Variants in POU2AF2 observed in about 807,000 individuals in gnomAD.
The protein encoded by POU2AF2 is POU domain class 2-associating factor 2.
the POU2AF2 span, among the ~76,000 whole-genome samples, chr11:111,251,517 G>A: frequency 6.6e-6 from 1 of 152,144 alleles, no homozygotes; most frequent in Non-Finnish European, 1.5e-5. Flanking sequence ...CATCTATATG[G>A]CATTTAAATC....
the POU2AF2 span, among the ~76,000 whole-genome samples, chr11:111,264,690 GAC>G: frequency 2.8e-5 from 4 of 140,940 alleles, no homozygotes; most frequent in Non-Finnish European, 6.3e-5. Context: ...GAGAGAGAAA[GAC>G]AGAGAAAGAA....
chr11:111,262,815 T>C, the POU2AF2 span, among the ~76,000 whole-genome samples: 1 of 152,350 alleles, frequency 6.6e-6, no homozygotes, highest in Admixed American at 6.5e-5. Context: ...TGTGTATAAC[T>C]GATGTTTGCA....
the POU2AF2 span, among the ~76,000 whole-genome samples, chr11:111,248,953 A>G: frequency 6.6e-6 from 1 of 152,250 alleles, no homozygotes; most frequent in South Asian, 2.1e-4. Flanking sequence ...CATTAAGTCT[A>G]CTATAGACTA....
chr11:111,256,565 C>A, the POU2AF2 span, among the ~76,000 whole-genome samples: 129 of 152,344 alleles, frequency 8.5e-4, no homozygotes, highest in African/African-American at 2.9e-3. Flanking sequence ...TGCCGGGAAC[C>A]AGTCATGTGG....
At chr11:111,285,953 G>C in the POU2AF2 span, 1 of 1,614,084 alleles carries the variant, frequency 6.2e-7, no homozygotes, top group South Asian at 1.1e-5. Context: ...ACTCTCCCCA[G>C]ATGAGGAAGC....
chr11:111,251,472 G>A, the POU2AF2 span, among the ~76,000 whole-genome samples: 6 of 152,184 alleles, frequency 3.9e-5, no homozygotes, highest in East Asian at 1.9e-4. Flanking sequence ...TGAAGTCCAC[G>A]TCTGGGCTGG....
At chr11:111,248,947 A>T in the POU2AF2 span, among the ~76,000 whole-genome samples, 1 of 152,254 alleles carries the variant, frequency 6.6e-6, no homozygotes, top group Non-Finnish European at 1.5e-5. Flanking sequence ...CATCACCATT[A>T]AGTCTACTAT....
the POU2AF2 span, among the ~76,000 whole-genome samples, chr11:111,282,057 T>C: frequency 6.6e-6 from 1 of 152,104 alleles, no homozygotes; most frequent in Non-Finnish European, 1.5e-5. Flanking sequence ...TGTTTCCCAA[T>C]CATATATAGT....
the POU2AF2 span, among the ~76,000 whole-genome samples, chr11:111,249,207 G>T: frequency 6.6e-6 from 1 of 152,134 alleles, no homozygotes; most frequent in Non-Finnish European, 1.5e-5. Flanking sequence ...AGCTCTCCTG[G>T]TGTATGCAGG....
chr11:111,265,760 T>C, the POU2AF2 span, among the ~76,000 whole-genome samples: 1 of 152,138 alleles, frequency 6.6e-6, no homozygotes, highest in East Asian at 1.9e-4. Flanking sequence ...CCTTGAAAGT[T>C]AGATCCTCCT....
At chr11:111,285,483 A>T in the POU2AF2 span, among the ~76,000 whole-genome samples, 1 of 152,186 alleles carries the variant, frequency 6.6e-6, no homozygotes, top group African/African-American at 2.4e-5. Context: ...AGGGAGGAAA[A>T]CTTTCACTGC....
the POU2AF2 span, among the ~76,000 whole-genome samples, chr11:111,279,439 A>G: frequency 6.6e-6 from 1 of 152,222 alleles, no homozygotes; most frequent in Non-Finnish European, 1.5e-5. Flanking sequence ...AGGTGTCAGC[A>G]GGGCCATGCT....
chr11:111,264,460 C>A, the POU2AF2 span, among the ~76,000 whole-genome samples: 1 of 146,752 alleles, frequency 6.8e-6, no homozygotes, highest in Admixed American at 7.0e-5. Context: ...TGCACCACTG[C>A]ACTGCAGACT....
chr11:111,271,829 A>G, the POU2AF2 span, among the ~76,000 whole-genome samples: 7 of 152,106 alleles, frequency 4.6e-5, no homozygotes, highest in Middle Eastern at 0.01. Flanking sequence ...CCTGCCCAAC[A>G]TGGTGAAACC....
the POU2AF2 span, among the ~76,000 whole-genome samples, chr11:111,252,399 C>G: frequency 6.6e-6 from 1 of 152,126 alleles, no homozygotes; most frequent in African/African-American, 2.4e-5. Context: ...GCATTTCTAG[C>G]AAGTTCCTAG....
At chr11:111,268,250 A>T in the POU2AF2 span, among the ~76,000 whole-genome samples, 1 of 152,176 alleles carries the variant, frequency 6.6e-6, no homozygotes, top group Non-Finnish European at 1.5e-5. Flanking sequence ...CGAGCTCTGC[A>T]GGTATGAGTG....
chr11:111,279,460 C>T, the POU2AF2 span, among the ~76,000 whole-genome samples: 1 of 152,206 alleles, frequency 6.6e-6, no homozygotes, highest in Non-Finnish European at 1.5e-5. Flanking sequence ...CCCTCTGGAG[C>T]CTCTGGGGAG....
chr11:111,264,189 C>CAGGT, the POU2AF2 span, among the ~76,000 whole-genome samples: 1 of 151,920 alleles, frequency 6.6e-6, no homozygotes, highest in Admixed American at 6.6e-5. Flanking sequence ...AAGCATGAAG[C>CAGGT]AGGTAGGTAG....
At chr11:111,247,125 T>G in the POU2AF2 span, among the ~76,000 whole-genome samples, 1 of 152,142 alleles carries the variant, frequency 6.6e-6, no homozygotes, top group South Asian at 2.1e-4. Context: ...AGCCAAGTTG[T>G]GGCACATGGC....
Sources: gnomAD v4.1 joint callset for allele counts (sites outside exome capture counted in the v4.1 genomes callset) on GRCh38, gnomAD v4.1.1 for gene constraint, MANE v1.5 for transcripts, NCBI Gene and HGNC (gene_info 2026-07-23, HGNC 2026-07-21) for gene names.